The following ZNF827 variants were observed in gnomAD, a reference collection of about 807,000 sequenced individuals.
ZNF827 encodes zinc finger protein 827.
In ZNF827, 13 loss-of-function variants were observed where a neutral mutation model predicts 102.4. The observed-to-expected ratio is 0.13, with a 90% CI of 0.08 to 0.20. ZNF827 has a LOEUF of 0.20. Ranked by LOEUF, ZNF827 falls within the 10% of genes least tolerant of loss-of-function variation. ZNF827 has a pLI of 1.00. For missense variants in ZNF827, 1,103 were observed against 1,344.4 expected (o/e 0.82, Z 2.81); for synonymous variants, 523 against 536.2 (o/e 0.98, Z 0.34).
chr4:145,810,026 A>G (rs1480239159), intron 8 of ZNF827, among the ~76,000 whole-genome samples: 1 of 152,258 alleles, frequency 6.6e-6, no homozygotes, highest in African/African-American at 2.4e-5. Context: ...TGATTATGAA[A>G]GTAACATATA....
At chr4:145,859,763 C>T (rs1281618469) in intron 5 of ZNF827, among the ~76,000 whole-genome samples, 1 of 152,142 alleles carries the variant, frequency 6.6e-6, no homozygotes, top group African/African-American at 2.4e-5. Context: ...GAGGACGCAA[C>T]CCTTACACTG....
intron 8 of ZNF827, among the ~76,000 whole-genome samples, chr4:145,781,112 C>A (rs765197248): frequency 1.5e-5 from 2 of 132,112 alleles, no homozygotes; most frequent in Non-Finnish European, 3.1e-5. Flanking sequence ...AGAAGAATGG[C>A]GTGAACCCGG....
chr4:145,918,992 A>G (rs2126955871), intron 1 of ZNF827, among the ~76,000 whole-genome samples: 1 of 152,274 alleles, frequency 6.6e-6, no homozygotes, highest in East Asian at 1.9e-4. Context: ...ACAGTGTCTC[A>G]CACCTATAAT....
chr4:145,854,307 T>A (rs1240952936), intron 5 of ZNF827, among the ~76,000 whole-genome samples: 1 of 151,624 alleles, frequency 6.6e-6, no homozygotes, highest in Non-Finnish European at 1.5e-5. Flanking sequence ...GACATGGAGA[T>A]GGGAAGTCAT....
intron 3 of ZNF827, 128 bp from the exon 4 acceptor site, chr4:145,886,286 T>C: frequency 7.2e-7 from 1 of 1,393,460 alleles, no homozygotes; most frequent in East Asian, 2.5e-5. Flanking sequence ...TGCAGAGCAT[T>C]TCACTATGGG....
intron 2 of ZNF827, among the ~76,000 whole-genome samples, chr4:145,899,050 G>A (rs563662595): frequency 7.9e-5 from 12 of 151,930 alleles, no homozygotes; most frequent in African/African-American, 2.2e-4. Context: ...TCTTGGGGGC[G>A]GTTATTATTT....
chr4:145,842,330 G>A (rs1164438912), intron 7 of ZNF827, among the ~76,000 whole-genome samples: 1 of 152,220 alleles, frequency 6.6e-6, no homozygotes, highest in Admixed American at 6.5e-5. Flanking sequence ...ATTTGATGGT[G>A]AGGAAAGTGC....
chr4:145,836,102 G>A (rs1405343405), intron 7 of ZNF827, among the ~76,000 whole-genome samples: 2 of 151,984 alleles, frequency 1.3e-5, no homozygotes, highest in African/African-American at 2.4e-5. Flanking sequence ...TACCTAGGCT[G>A]TACTGCCGCA....
intron 8 of ZNF827, among the ~76,000 whole-genome samples, chr4:145,822,339 C>T (rs566627966): frequency 1.5e-3 from 230 of 152,132 alleles, no homozygotes; most frequent in African/African-American, 5.4e-3. Flanking sequence ...TTCCCCACCC[C>T]CACCCTCCAC....
At position 145,878,612 on chromosome 4, in the gene ZNF827, A is replaced by C. The variant is rs201690377; in HGVS notation, c.1747+7066T>G. Among the ~76,000 whole-genome samples the C allele has an allele frequency of 7.6e-3, 923 of 121,436 alleles. 1 individual carries two copies. Among genetic ancestry groups the C allele is most frequent in the African/African-American group, 0.02 (567 of 28,914 alleles). The allele number at this position is 121,436 out of a possible 152,430, so 79.7% of individuals were successfully genotyped here. On this transcript the variant is annotated intron_variant, in intron 4 of 14. Transcript: ENST00000508784. ...CAGGACAGGACAGGACAGGAAAGGA[A>C]AGGAAAGGAAAGGAAAGGAAAGGAA...
intron 8 of ZNF827, among the ~76,000 whole-genome samples, chr4:145,787,520 C>T (rs753733303): frequency 2.7e-5 from 4 of 146,472 alleles, no homozygotes; most frequent in Non-Finnish European, 6.0e-5. Flanking sequence ...CAGTTAGAAA[C>T]ACTGGGTGGA....
At chr4:145,809,296 T>C (rs998608903) in intron 8 of ZNF827, among the ~76,000 whole-genome samples, 7 of 152,246 alleles carry the variant, frequency 4.6e-5, no homozygotes, top group Admixed American at 4.6e-4. Flanking sequence ...TTTGCAAAGA[T>C]GATGACAGTG....
intron 11 of ZNF827, 114 bp downstream of exon 11, chr4:145,774,392 T>G: frequency 5.0e-6 from 6 of 1,191,690 alleles, no homozygotes; most frequent in Non-Finnish European, 5.9e-6. Flanking sequence ...CTTCCTTCCA[T>G]GGAAGGAAAA....
At chr4:145,905,136 G>C (rs1284528714) in intron 1 of ZNF827, among the ~76,000 whole-genome samples, 1 of 152,306 alleles carries the variant, frequency 6.6e-6, no homozygotes, top group South Asian at 2.1e-4. Flanking sequence ...TGCTCCTAGA[G>C]GGCAGGAATT....
intron 4 of ZNF827, among the ~76,000 whole-genome samples, chr4:145,885,073 G>A (rs1357880963): frequency 6.6e-6 from 1 of 151,916 alleles, no homozygotes; most frequent in East Asian, 1.9e-4. Context: ...TCATTGAACT[G>A]TGCACCTAAA....
chr4:145,766,517 A>G (rs10857423), intron 11 of ZNF827, among the ~76,000 whole-genome samples: 146,053 of 152,320 alleles, frequency 0.96, 70,090 homozygotes, highest in African/African-American at 0.99. Flanking sequence ...TTGCAGAGAG[A>G]AGGAACCAGG....
At position 145,775,497 on chromosome 4, in the gene ZNF827, G is replaced by C. The variant is rs1736919848; in HGVS notation, c.2693+292C>G. Among the ~76,000 whole-genome samples, 5 of 151,770 alleles carry C rather than the reference G, an allele frequency of 3.3e-5. No individual in the cohort carries two copies. In the South Asian group the frequency reaches 8.3e-4, roughly 25 times the overall value. On this transcript the variant is annotated intron_variant, in intron 10 of 14. Coordinates refer to ENST00000508784, the MANE Select transcript of ZNF827 (RefSeq NM_001306215.2). ...TTACAAAGGTTGGAGCTTCTGAGCT[G>C]AACAGACCTAAAAATTCATCATCCC...
intron 7 of ZNF827, among the ~76,000 whole-genome samples, chr4:145,828,164 T>C (rs1170356316): frequency 6.6e-6 from 1 of 152,210 alleles, no homozygotes; most frequent in Non-Finnish European, 1.5e-5. Flanking sequence ...GAAGCATGTT[T>C]GTACTGTCCT....
At chr4:145,864,643 G>A (rs1354431012) in intron 5 of ZNF827, among the ~76,000 whole-genome samples, 1 of 151,808 alleles carries the variant, frequency 6.6e-6, no homozygotes, top group African/African-American at 2.4e-5. Flanking sequence ...GCAGAATACT[G>A]GATTCAATAA....
Sources: allele counts gnomAD v4.1 joint callset (sites outside exome capture counted in the v4.1 genomes callset), GRCh38; gene constraint gnomAD v4.1.1; transcripts MANE v1.5; gene names NCBI Gene and HGNC (gene_info 2026-07-23, HGNC 2026-07-21).